DCPS: variants seen among roughly 807,000 people sequenced by gnomAD.
DCPS encodes the protein m7GpppX diphosphatase.
In DCPS, 27 loss-of-function variants were observed where a neutral mutation model predicts 34.7. The observed-to-expected ratio is 0.78, with a 90% confidence interval of 0.57 to 1.07. The LOEUF is 1.07. Among genes scored for constraint, DCPS ranks in the 50% least tolerant of loss-of-function variants. The pLI is 0.00. For synonymous variants in DCPS, 185 were observed against 185.7 expected (o/e 1.00, Z 0.03); for missense variants, 464 against 436.9 (o/e 1.06, Z -0.55).
chr11:126,326,878 A>C lies in DCPS; in HGVS notation c.377-4527A>C, dbSNP rs927017849. On this transcript the variant is annotated intron_variant, in intron 2 of 5. Coordinates refer to ENST00000263579, the MANE Select transcript of DCPS (RefSeq NM_014026.6). ...GCGGAGCTTGCAGTGAGCCGAGATCACGCCACTGCACTCCAGCCTGGGCGA... is the reference window on the plus strand; with the variant it reads ...GCGGAGCTTGCAGTGAGCCGAGATCCCGCCACTGCACTCCAGCCTGGGCGA... 2.6e-5 allele frequency among the ~76,000 whole-genome samples: 4 copies of C among 151,900 alleles called. No individual in the cohort carries two copies. The East Asian group carries it at 7.7e-4, about 29-fold the overall frequency.
intron 2 of DCPS, among the ~76,000 whole-genome samples, chr11:126,321,280 A>G (rs640057): frequency 0.19 from 28,766 of 150,032 alleles, 3,847 homozygotes; most frequent in East Asian, 0.65. Flanking sequence ...AAATCACACG[A>G]AGGGTGACAC....
In DCPS at chr11:126,337,565, G is replaced by A. The variant is rs1951841400; in HGVS notation, c.523-721G>A. On this transcript the variant is annotated intron_variant, in intron 3 of 5. Coordinates refer to ENST00000263579, the MANE Select transcript of DCPS (RefSeq NM_014026.6). This position sits in a 1 kb window ranked among gnomAD's most constrained non-coding sequence, Gnocchi z 5.3. ...AGCAGCTGATCCAAGGGTGACACAA[G>A]GGCTGGGAGCCCTGGGTAGCCCTGA... 6.6e-6 allele frequency: 1 copy of A among 152,052 alleles called. No individual in the cohort carries two copies. Among genetic ancestry groups the A allele is most frequent in the Non-Finnish European group, 1.5e-5 (1 of 68,200 alleles). 9.4% of individuals were successfully genotyped at this position (152,052 alleles called of 1,614,324 possible).
intron 2 of DCPS, among the ~76,000 whole-genome samples, chr11:126,316,790 G>A (rs1056050393): frequency 6.6e-6 from 1 of 151,282 alleles, no homozygotes; most frequent in Non-Finnish European, 1.5e-5. Flanking sequence ...AAGTAGCTGG[G>A]ATTACAGACA....
At chr11:126,341,059 A>G (rs1951871858) in intron 4 of DCPS, 1 of 152,066 alleles carries the variant, frequency 6.6e-6, no homozygotes, top group Admixed American at 6.6e-5. Context: ...ACCTTTCTAT[A>G]TTGGGTATAT....
At position 126,323,836 on chromosome 11, in the gene DCPS, T is replaced by C. The variant is rs1951723172; in HGVS notation, c.377-7569T>C. ...CAAACCTGACCCTAAAGTTGTTTTT[T>C]TGTTTGTTTTTTGAGATGGTGTCTT... On this transcript the variant is annotated intron_variant, in intron 2 of 5. Coordinates refer to ENST00000263579, the MANE Select transcript of DCPS (RefSeq NM_014026.6). The surrounding 1 kb of genome is among the most constrained non-coding windows in gnomAD (Gnocchi z 4.4). Among the ~76,000 whole-genome samples, 1 of 151,974 alleles carries C rather than the reference T, an allele frequency of 6.6e-6. No individual in the cohort carries two copies. Among genetic ancestry groups the C allele is most frequent in the Non-Finnish European group, 1.5e-5 (1 of 67,976 alleles).
chr11:126,320,700 G>A lies in DCPS; in HGVS notation c.377-10705G>A, dbSNP rs2135318676. On this transcript the variant is annotated intron_variant, in intron 2 of 5. Transcript: ENST00000263579. The surrounding 1 kb of genome is among the most constrained non-coding windows in gnomAD (Gnocchi z 4.7). ...TGCCTATAGTTCCAGCTACCTGGGA[G>A]GTTGAGACGGGAAGATCACTTCAGT... 6.6e-6 allele frequency among the ~76,000 whole-genome samples: 1 copy of A among 152,246 alleles called. No homozygotes were observed. Among genetic ancestry groups the A allele is most frequent in the East Asian group, 1.9e-4 (1 of 5,156 alleles).
rs777096096 is a variant in DCPS, at chr11:126,312,233, A to G, written c.376+5489A>G. On this transcript the variant is annotated intron_variant, in intron 2 of 5. Coordinates refer to ENST00000263579, the MANE Select transcript of DCPS (RefSeq NM_014026.6). The surrounding 1 kb of genome is among the most constrained non-coding windows in gnomAD (Gnocchi z 5.1). ...GGCGTGAGCCACCGCATCTGGCCAG[A>G]AGTGAAACTTTAAACAATGCTTACC... 2.0e-5 allele frequency among the ~76,000 whole-genome samples: 3 copies of G among 152,088 alleles called. No individual in the cohort carries two copies. Among genetic ancestry groups the G allele is most frequent in the Non-Finnish European group, 4.4e-5 (3 of 67,994 alleles).
intron 1 of DCPS, among the ~76,000 whole-genome samples, chr11:126,306,031 T>A (rs1951562138): frequency 6.6e-6 from 1 of 152,194 alleles, no homozygotes; most frequent in Non-Finnish European, 1.5e-5. Context: ...AGAAGCCTTG[T>A]ATTCTGGGGA....
chr11:126,345,886 A>G lies in DCPS; in HGVS notation c.*273A>G. On this transcript the variant is annotated 3_prime_UTR_variant, in exon 6 of 6. Transcript: ENST00000263579. The surrounding 1 kb of genome is among the most constrained non-coding windows in gnomAD (Gnocchi z 7.4). Reference sequence around the variant, plus strand: ...AACTGACAGGTGGGAGCTGCCCTGGAAGGGTGCCGAGGGCCTTCTCCAAGC... The same window carrying G: ...AACTGACAGGTGGGAGCTGCCCTGGGAGGGTGCCGAGGGCCTTCTCCAAGC... 3.8e-6 allele frequency: 2 copies of G among 520,438 alleles called. No individual in the cohort carries two copies. The highest frequency in any genetic ancestry group is 3.4e-6 in the Non-Finnish European group (1 of 293,108). The allele number at this position is 520,438 out of a possible 1,614,324, so 32.2% of individuals were successfully genotyped here.
rs1043482017 is a variant in DCPS, at chr11:126,323,803, T to C, written c.377-7602T>C. On this transcript the variant is annotated intron_variant, in intron 2 of 5. Coordinates refer to ENST00000263579, the MANE Select transcript of DCPS (RefSeq NM_014026.6). This position sits in a 1 kb window ranked among gnomAD's most constrained non-coding sequence, Gnocchi z 4.4. ...ATCCAAAGTGCTAGGATTATAGGCA[T>C]GAGCCACCAAACCTGACCCTAAAGT... Among the ~76,000 whole-genome samples, 4 of 152,172 alleles carry C rather than the reference T, an allele frequency of 2.6e-5. No individual in the cohort carries two copies. The highest frequency in any genetic ancestry group is 5.9e-5 in the Non-Finnish European group (4 of 68,024).
At chr11:126,314,248 C>T (rs191609048) in intron 2 of DCPS, among the ~76,000 whole-genome samples, 50 of 152,350 alleles carry the variant, frequency 3.3e-4, no homozygotes, top group African/African-American at 1.2e-3. Context: ...CCTCCAGCTC[C>T]ATCCATGTTG....
At position 126,305,736 on chromosome 11, in the gene DCPS, TTTTGTTTG is replaced by T. The variant is rs370953461; in HGVS notation, c.202-818_202-811del. Among the ~76,000 whole-genome samples the T allele has an allele frequency of 7.3e-4, 111 of 152,214 alleles. 1 individual carries two copies. Among genetic ancestry groups the T allele is most frequent in the Admixed American group, 2.6e-3 (40 of 15,284 alleles). On this transcript the variant is annotated intron_variant, in intron 1 of 5. Transcript: ENST00000263579. ...GCGCTGGGCCTTGTTTTTTGTTGTT[TTTTGTTTG>T]TTTGTTTGTTTGTTTTTGTTTCTTG...
At position 126,338,889 on chromosome 11, in the gene DCPS, G is replaced by T. The variant is rs1951855483; in HGVS notation, c.636+490G>T. Reference sequence around the variant, plus strand: ...TAGCTTAGCCCAGACTTCTACTCAGGCCCCTTGGCCCCGTGCCCTGCCTCC... The same window carrying T: ...TAGCTTAGCCCAGACTTCTACTCAGTCCCCTTGGCCCCGTGCCCTGCCTCC... On this transcript the variant is annotated intron_variant, in intron 4 of 5. Transcript: ENST00000263579. This position sits in a 1 kb window ranked among gnomAD's most constrained non-coding sequence, Gnocchi z 5.4. Among the ~76,000 whole-genome samples, 1 of 152,156 alleles carries T rather than the reference G, an allele frequency of 6.6e-6. No homozygotes were observed. Among genetic ancestry groups the T allele is most frequent in the African/African-American group, 2.4e-5 (1 of 41,428 alleles).
In DCPS at chr11:126,338,019, G is replaced by T; in HGVS notation, c.523-267G>T. 2.0e-6 allele frequency: 1 copy of T among 488,810 alleles called. No homozygotes were observed. The highest frequency in any genetic ancestry group is 1.9e-5 in the African/African-American group (1 of 51,556). The allele number at this position is 488,810 out of a possible 1,614,324, so 30.3% of individuals were successfully genotyped here. On this transcript the variant is annotated intron_variant, in intron 3 of 5. Transcript: ENST00000263579. This position sits in a 1 kb window ranked among gnomAD's most constrained non-coding sequence, Gnocchi z 5.4. ...ATGTGCACTATGCTGACCAGGAAGA[G>T]CCTGGCCCCTTCCAAGCTGCAGAGA... is the stretch of plus-strand genomic sequence containing the variant.
intron 2 of DCPS, among the ~76,000 whole-genome samples, chr11:126,321,922 C>G (rs1222286232): frequency 6.6e-6 from 1 of 151,790 alleles, no homozygotes; most frequent in Non-Finnish European, 1.5e-5. Context: ...AAGTTGAGCA[C>G]AAAGACAAAA....
At chr11:126,307,084 C>T (rs1269808519) in intron 2 of DCPS, among the ~76,000 whole-genome samples, 1 of 152,036 alleles carries the variant, frequency 6.6e-6, no homozygotes, top group Non-Finnish European at 1.5e-5. Context: ...AATCCCAGCA[C>T]TTTGGGAGGC....
intron 2 of DCPS, among the ~76,000 whole-genome samples, chr11:126,311,332 A>G (rs754863528): frequency 3.3e-5 from 5 of 152,354 alleles, no homozygotes; most frequent in Non-Finnish European, 7.3e-5. Context: ...AACCATGAGG[A>G]CCTGGGACAT....
Position 126,344,712 on chromosome 11 carries a change from C to A in DCPS, c.748-635C>A, listed in dbSNP as rs535937263. ...GTGGAGGTTGGTAGAAAAAGACCCA[C>A]CCCTGAGCAAGGTGGAGGTGGGCAA... On this transcript the variant is annotated intron_variant, in intron 5 of 5. Coordinates refer to ENST00000263579, the MANE Select transcript of DCPS (RefSeq NM_014026.6). The surrounding 1 kb of genome is among the most constrained non-coding windows in gnomAD (Gnocchi z 8.1). 3.3e-5 allele frequency among the ~76,000 whole-genome samples: 5 copies of A among 152,298 alleles called. No individual in the cohort carries two copies. The highest frequency in any genetic ancestry group is 7.3e-5 in the Non-Finnish European group (5 of 68,028).
rs1423603974 is a variant in DCPS at position 126,320,838 on chromosome 11, A to G, written c.377-10567A>G. ...AAACCTAGGATACGTAGGGAGGAGC[A>G]GTAACTGGATCTGAGAGATGACACC... On this transcript the variant is annotated intron_variant, in intron 2 of 5. Coordinates refer to ENST00000263579, the MANE Select transcript of DCPS (RefSeq NM_014026.6). The surrounding 1 kb of genome is among the most constrained non-coding windows in gnomAD (Gnocchi z 4.7). Among the ~76,000 whole-genome samples the G allele has an allele frequency of 6.6e-6, 1 of 152,216 alleles. No homozygotes were observed. Among genetic ancestry groups the G allele is most frequent in the Admixed American group, 6.5e-5 (1 of 15,280 alleles).
Sources: allele counts gnomAD v4.1 joint callset (sites outside exome capture counted in the v4.1 genomes callset), GRCh38; gene constraint gnomAD v4.1.1; non-coding constraint Gnocchi (gnomAD v3.1); transcripts MANE v1.5; gene names NCBI Gene and HGNC (gene_info 2026-07-23, HGNC 2026-07-21).